Variants in DCC observed in about 807,000 individuals in gnomAD.
The protein encoded by DCC is DCC netrin 1 receptor, also known as netrin receptor DCC.
DCC carries 58 observed loss-of-function variants against 172.5 expected under a neutral mutation model. The observed-to-expected ratio is 0.34, with a 90% CI of 0.27 to 0.42. The LOEUF is 0.42. Ranked by LOEUF, DCC falls within the 10% of genes least tolerant of loss-of-function variation. DCC has a pLI of 1.00. For missense variants in DCC, 1,740 were observed against 1,791.0 expected (o/e 0.97, Z 0.51); for synonymous variants, 709 against 644.5 (o/e 1.10, Z -1.52).
intron 25 of DCC, 134 bp from the exon 26 acceptor site, chr18:53,486,663 T>TAAGTAAGGGA: frequency 8.7e-7 from 1 of 1,146,346 alleles, no homozygotes; most frequent in Non-Finnish European, 1.3e-6. Context: ...TGGAGAGAGG[T>TAAGTAAGGGA]AAGTAAGGGA....
intron 1 of DCC, among the ~76,000 whole-genome samples, chr18:52,598,490 G>A (rs895754341): frequency 6.6e-6 from 1 of 152,142 alleles, no homozygotes; most frequent in African/African-American, 2.4e-5. Context: ...GATGAAAGGA[G>A]TGAACGCTTT....
chr18:52,363,000 G>T (rs1984689531), intron 1 of DCC, among the ~76,000 whole-genome samples: 1 of 152,054 alleles, frequency 6.6e-6, no homozygotes, highest in African/African-American at 2.4e-5. Flanking sequence ...CCGGGTTCAA[G>T]CGATTACCCT....
intron 2 of DCC, among the ~76,000 whole-genome samples, chr18:52,881,721 G>C (rs2039488015): frequency 6.6e-6 from 1 of 152,110 alleles, no homozygotes. Context: ...AGTATAATTT[G>C]AAGTCAGGTA....
chr18:52,687,922 C>G (rs1010582491), intron 1 of DCC, among the ~76,000 whole-genome samples: 3 of 152,046 alleles, frequency 2.0e-5, no homozygotes, highest in Admixed American at 6.6e-5. Flanking sequence ...TTTGTTTTCA[C>G]GACCCTTCAG....
chr18:52,707,604 G>A (rs2036230780), intron 1 of DCC, among the ~76,000 whole-genome samples: 1 of 152,114 alleles, frequency 6.6e-6, no homozygotes, highest in Non-Finnish European at 1.5e-5. Context: ...TCAAGATATG[G>A]CATCAACCTA....
intron 20 of DCC, among the ~76,000 whole-genome samples, chr18:53,411,163 A>G (rs1281431760): frequency 6.6e-6 from 1 of 152,122 alleles, no homozygotes; most frequent in Non-Finnish European, 1.5e-5. Context: ...TAGAAGAAAA[A>G]ATGTTCATAC....
chr18:53,126,004 A>G (rs1280641513), intron 7 of DCC, among the ~76,000 whole-genome samples: 1 of 152,134 alleles, frequency 6.6e-6, no homozygotes, highest in African/African-American at 2.4e-5. Flanking sequence ...GCGTGAGGAT[A>G]TGTGAATTCA....
chr18:52,769,601 C>T (rs1338583976), intron 2 of DCC, among the ~76,000 whole-genome samples: 2 of 152,134 alleles, frequency 1.3e-5, no homozygotes, highest in African/African-American at 4.8e-5. Flanking sequence ...TCAATTATTT[C>T]TTTCAAGGAT....
chr18:52,758,302 A>G lies in DCC; in HGVS notation c.412+5928A>G, dbSNP rs2145144005. On this transcript the variant is annotated intron_variant, in intron 2 of 28. Transcript: ENST00000442544. The stretch of plus-strand genomic sequence containing the variant: ...ATCTTTCTAAGTGGTTTTACAATTC[A>G]GGCGAAGTTTGCATATTTTTTTTCT... Among the ~76,000 whole-genome samples the G allele has an allele frequency of 1.3e-5, 2 of 152,292 alleles. 1 individual carries two copies. Among genetic ancestry groups the G allele is most frequent in the South Asian group, 4.1e-4 (2 of 4,828 alleles).
intron 13 of DCC, 60 bp downstream of exon 13, chr18:53,305,779 A>C: frequency 6.5e-7 from 1 of 1,538,998 alleles, no homozygotes; most frequent in Non-Finnish European, 9.0e-7. Context: ...TTTAGGAATA[A>C]AATATAGTCT....
intron 1 of DCC, among the ~76,000 whole-genome samples, chr18:52,515,029 T>A (rs1425442917): frequency 6.6e-6 from 1 of 152,178 alleles, no homozygotes; most frequent in Non-Finnish European, 1.5e-5. Context: ...TACAGTTCAA[T>A]ATCTCTCATG....
rs556717507 is a variant in DCC, at chr18:52,581,431, T to A, written c.92-170623T>A. Among the ~76,000 whole-genome samples the A allele has an allele frequency of 2.0e-5, 3 of 152,318 alleles. No individual in the cohort carries two copies. In the East Asian group the frequency reaches 5.8e-4, roughly 29 times the overall value. Reference sequence around the variant, plus strand: ...CTGCAAAATTCTGTATAAGAGATTATTATATTTATTTTTACTCCCCATAGC... The same window carrying A: ...CTGCAAAATTCTGTATAAGAGATTAATATATTTATTTTTACTCCCCATAGC... On this transcript the variant is annotated intron_variant, in intron 1 of 28. Coordinates refer to ENST00000442544, the MANE Select transcript of DCC (RefSeq NM_005215.4).
intron 2 of DCC, among the ~76,000 whole-genome samples, chr18:52,849,822 T>G (rs1317770213): frequency 6.6e-6 from 1 of 152,156 alleles, no homozygotes; most frequent in Non-Finnish European, 1.5e-5. Flanking sequence ...TTGATTTCAG[T>G]GTTCACATTT....
chr18:52,372,350 T>C (rs1048570819), intron 1 of DCC, among the ~76,000 whole-genome samples: 1 of 152,188 alleles, frequency 6.6e-6, no homozygotes, highest in African/African-American at 2.4e-5. Context: ...CAAAAACACA[T>C]GTGCTCTGTT....
chr18:53,485,878 G>A (rs1253078494), intron 25 of DCC, among the ~76,000 whole-genome samples: 1 of 151,984 alleles, frequency 6.6e-6, no homozygotes, highest in Non-Finnish European at 1.5e-5. Context: ...GTGCATGCAT[G>A]TATGTGTATG....
chr18:52,604,026 AT>A (rs5824950), intron 1 of DCC, among the ~76,000 whole-genome samples: 84 of 150,210 alleles, frequency 5.6e-4, no homozygotes, highest in African/African-American at 1.6e-3. Flanking sequence ...GTGAAAGGTT[AT>A]TTTTTTTTTA....
chr18:52,450,566 C>T (rs943960097), intron 1 of DCC, among the ~76,000 whole-genome samples: 6 of 152,106 alleles, frequency 3.9e-5, no homozygotes, highest in African/African-American at 1.4e-4. Context: ...AATGTTATCT[C>T]TGGGAAAAAC....
intron 1 of DCC, among the ~76,000 whole-genome samples, chr18:52,348,749 C>G (rs1176018576): frequency 6.6e-6 from 1 of 152,174 alleles, no homozygotes; most frequent in Non-Finnish European, 1.5e-5. Context: ...TCGCCTAATA[C>G]TTTACCATGT....
At chr18:52,570,421 G>T (rs2033265481) in intron 1 of DCC, among the ~76,000 whole-genome samples, 1 of 152,026 alleles carries the variant, frequency 6.6e-6, no homozygotes, top group South Asian at 2.1e-4. Context: ...TGGGTTTGTT[G>T]GTTTTGCATG....
Sources: allele counts gnomAD v4.1 joint callset (sites outside exome capture counted in the v4.1 genomes callset), GRCh38; gene constraint gnomAD v4.1.1; transcripts MANE v1.5; gene names NCBI Gene and HGNC (gene_info 2026-07-23, HGNC 2026-07-21).